Variants in DLG2 observed in about 807,000 individuals in gnomAD.
DLG2 encodes discs large MAGUK scaffold protein 2.
In DLG2, 45 loss-of-function variants were observed where a neutral mutation model predicts 132.5. That is an observed-to-expected ratio of 0.34 (90% CI 0.27 to 0.44). The LOEUF (loss-of-function observed/expected upper bound fraction) is 0.44. DLG2 is among the 20% of genes least tolerant of loss of function. DLG2 has a pLI of 1.00. For synonymous variants in DLG2, 424 were observed against 419.6 expected (o/e 1.01, Z -0.13); for missense variants, 1,045 against 1,196.9 (o/e 0.87, Z 1.87).
chr11:84,289,189 C>A (rs1051481850), intron 7 of DLG2, among the ~76,000 whole-genome samples: 62 of 152,152 alleles, frequency 4.1e-4, no homozygotes, highest in African/African-American at 1.5e-3. Flanking sequence ...TTAAGTTTTT[C>A]ATGTTTAAGT....
At chr11:84,868,838 C>T (rs1264994654) in intron 6 of DLG2, among the ~76,000 whole-genome samples, 1 of 152,158 alleles carries the variant, frequency 6.6e-6, no homozygotes, top group African/African-American at 2.4e-5. Context: ...AATTTATCAG[C>T]AAGGTGCTGG....
intron 3 of DLG2, among the ~76,000 whole-genome samples, chr11:85,518,975 T>G (rs1412430995): frequency 2.0e-5 from 3 of 152,116 alleles, no homozygotes; most frequent in Non-Finnish European, 1.5e-5. Context: ...AGTCAAGAAT[T>G]TAGGTTTTGG....
intron 3 of DLG2, among the ~76,000 whole-genome samples, chr11:85,488,477 G>GT (rs2153102296): frequency 6.6e-6 from 1 of 151,818 alleles, no homozygotes; most frequent in Admixed American, 6.5e-5. Flanking sequence ...ATATGAAACT[G>GT]TAAGTCCAAT....
At chr11:84,541,760 CCAGCTGAGCTTG>C (rs891138730) in intron 6 of DLG2, among the ~76,000 whole-genome samples, 1 of 152,050 alleles carries the variant, frequency 6.6e-6, no homozygotes, top group African/African-American at 2.4e-5. Flanking sequence ...GAAAGCCCTC[CCAGCTGAGCTTG>C]CACGCAGTTA....
intron 6 of DLG2, among the ~76,000 whole-genome samples, chr11:85,097,199 G>A (rs1488634324): frequency 1.3e-5 from 2 of 151,978 alleles, no homozygotes; most frequent in Non-Finnish European, 2.9e-5. Context: ...TGCTTTTTTA[G>A]TTTCTCCTAT....
chr11:83,491,595 A>C (rs1184766028), intron 21 of DLG2, among the ~76,000 whole-genome samples: 2 of 152,044 alleles, frequency 1.3e-5, no homozygotes, highest in Admixed American at 1.3e-4. Flanking sequence ...CAGGTAACCA[A>C]AGGGCATAGA....
chr11:83,961,176 A>G (rs1366957494), intron 14 of DLG2, among the ~76,000 whole-genome samples: 2 of 152,042 alleles, frequency 1.3e-5, no homozygotes, highest in Admixed American at 6.6e-5. Context: ...TCATCACAAC[A>G]ACCTATTGAG....
At chr11:84,825,346 C>T (rs1448760727) in intron 6 of DLG2, among the ~76,000 whole-genome samples, 1 of 151,860 alleles carries the variant, frequency 6.6e-6, no homozygotes, top group Non-Finnish European at 1.5e-5. Flanking sequence ...AGCTGACAAA[C>T]TACACACACT....
chr11:83,812,626 T>C (rs1036127603), intron 17 of DLG2, among the ~76,000 whole-genome samples: 1 of 152,182 alleles, frequency 6.6e-6, no homozygotes, highest in African/African-American at 2.4e-5. Context: ...TTAAACTTAG[T>C]AGATATACTG....
chr11:85,528,099 G>C (rs770667040), intron 3 of DLG2, among the ~76,000 whole-genome samples: 15 of 152,108 alleles, frequency 9.9e-5, no homozygotes, highest in Non-Finnish European at 1.8e-4. Context: ...TTGTCGGATG[G>C]ATAGATTTCA....
chr11:85,134,854 G>A (rs2076041079), intron 5 of DLG2, among the ~76,000 whole-genome samples: 3 of 152,126 alleles, frequency 2.0e-5, no homozygotes, highest in Non-Finnish European at 4.4e-5. Context: ...AATATTTATA[G>A]TTAAAAAATA....
chr11:84,994,698 G>A (rs1437179497), intron 6 of DLG2, among the ~76,000 whole-genome samples: 1 of 152,192 alleles, frequency 6.6e-6, no homozygotes, highest in Non-Finnish European at 1.5e-5. Flanking sequence ...GTTTAGAGAA[G>A]TTATTGCCAA....
At chr11:83,743,791 C>G in intron 18 of DLG2, among the ~76,000 whole-genome samples, 1 of 151,952 alleles carries the variant, frequency 6.6e-6, no homozygotes, top group East Asian at 1.9e-4. Context: ...AAATTGTAGA[C>G]AAAAAATAGC....
chr11:84,691,285 C>A (rs1041262024), intron 6 of DLG2, among the ~76,000 whole-genome samples: 3 of 151,786 alleles, frequency 2.0e-5, no homozygotes, highest in Non-Finnish European at 4.4e-5. Context: ...AGGTAGTGAT[C>A]TATACCTAAA....
In DLG2 at chr11:85,285,368, G is replaced by A. The variant is rs1181462271; in HGVS notation, c.41-3C>T. ...CACCTCATAAAATTCTTGGATATCTGTAAAGAAAATGTAAGGAAAGCATCA... is the reference window on the plus strand; with the variant it reads ...CACCTCATAAAATTCTTGGATATCTATAAAGAAAATGTAAGGAAAGCATCA... On this transcript the variant is annotated splice_region_variant and splice_polypyrimidine_tract_variant and intron_variant, in intron 3 of 27. Transcript: ENST00000376104. 1 of 1,609,146 alleles carries A rather than the reference G, an allele frequency of 6.2e-7. No individual in the cohort carries two copies. The highest frequency in any genetic ancestry group is 8.5e-7 in the Non-Finnish European group (1 of 1,177,372).
chr11:85,294,649 T>C (rs1411986251), intron 3 of DLG2, among the ~76,000 whole-genome samples: 2 of 152,166 alleles, frequency 1.3e-5, no homozygotes, highest in African/African-American at 2.4e-5. Context: ...ATGGTAGCTA[T>C]GATATTCTTT....
In DLG2 at chr11:84,433,338, AT is replaced by A. The variant is rs375013636; in HGVS notation, c.519+101231del. ...TACGTAACCAGAAATTGCACTTTCAATTTATCTTAAAGATTCTTCAACTGGC... is the reference window on the plus strand; with the variant it reads ...TACGTAACCAGAAATTGCACTTTCAATTATCTTAAAGATTCTTCAACTGGC... On this transcript the variant is annotated intron_variant, in intron 7 of 27. Coordinates refer to ENST00000376104, the MANE Select transcript of DLG2 (RefSeq NM_001142699.3). 3.0e-3 allele frequency among the ~76,000 whole-genome samples: 457 copies of A among 152,344 alleles called. 3 individuals carry two copies. Among genetic ancestry groups the A allele is most frequent in the African/African-American group, 0.011 (443 of 41,588 alleles).
rs59206423 is a variant in DLG2, at chr11:85,266,256, G to A, written c.186+18964C>T. Reference sequence around the variant, plus strand: ...CAAGTTCCTGCACTCTCTTGCCTATGTGATCCCTCCCATGTGCGGTGGATC... The same window carrying A: ...CAAGTTCCTGCACTCTCTTGCCTATATGATCCCTCCCATGTGCGGTGGATC... On this transcript the variant is annotated intron_variant, in intron 4 of 27. Coordinates refer to ENST00000376104, the MANE Select transcript of DLG2 (RefSeq NM_001142699.3). 1.7e-3 allele frequency among the ~76,000 whole-genome samples: 262 copies of A among 152,358 alleles called. 2 individuals are homozygous for A. Among genetic ancestry groups the A allele is most frequent in the African/African-American group, 6.0e-3 (251 of 41,590 alleles).
At chr11:84,371,344 C>T (rs1262139992) in intron 7 of DLG2, among the ~76,000 whole-genome samples, 11 of 151,846 alleles carry the variant, frequency 7.2e-5, no homozygotes, top group Non-Finnish European at 1.5e-4. Flanking sequence ...CCTCAACCAC[C>T]CAGGCTCAGG....
Sources: gnomAD v4.1 joint callset for allele counts (sites outside exome capture counted in the v4.1 genomes callset) on GRCh38, gnomAD v4.1.1 for gene constraint, MANE v1.5 for transcripts, NCBI Gene and HGNC (gene_info 2026-07-23, HGNC 2026-07-21) for gene names.